The following DHX9 variants were observed in gnomAD, a reference collection of about 807,000 sequenced individuals.
DHX9 encodes the protein ATP-dependent RNA helicase A.
DHX9 carries 27 observed loss-of-function variants against 148.7 expected under a neutral mutation model. The observed-to-expected ratio is 0.18, with a 90% confidence interval of 0.13 to 0.25. DHX9 has a LOEUF of 0.25. DHX9 is among the 10% of genes least tolerant of loss of function. The probability of loss-of-function intolerance (pLI) is 1.00; values close to 1 mark genes in which losing one functional copy is unlikely to be tolerated. For synonymous variants in DHX9, 529 were observed against 516.6 expected, an observed-to-expected ratio of 1.02 and a Z score of -0.33; for missense variants, 796 against 1,559.6, an observed-to-expected ratio of 0.51 and a Z score of 8.25.
In DHX9 at chr1:182,860,227, T is replaced by C. The variant is rs781542152; in HGVS notation, c.1332+43T>C. 3.6e-6 allele frequency: 5 copies of C among 1,397,354 alleles called. No homozygotes were observed. The South Asian group carries it at 7.7e-5, about 21-fold the overall frequency. 86.6% of individuals were successfully genotyped at this position (1,397,354 alleles called of 1,614,324 possible). ...CATGAAATACCTAGAGAGCAGACTA[T>C]TTCTGATTCTTTCTTTGATTAACTA... On this transcript the variant is annotated intron_variant, in intron 12 of 27. Coordinates refer to ENST00000367549, the MANE Select transcript of DHX9 (RefSeq NM_001357.5).
chr1:182,882,863 CAAAAAAAA>C (rs796875709), intron 24 of DHX9, among the ~76,000 whole-genome samples: 3 of 83,830 alleles, frequency 3.6e-5, no homozygotes, highest in Non-Finnish European at 8.3e-5. Flanking sequence ...AGACTCGTCT[CAAAAAAAA>C]AAAAAAAAAG....
chr1:182,881,129 G>A (rs1649067523), intron 22 of DHX9, 135 bp from the exon 23 acceptor site: 1 of 873,958 alleles, frequency 1.1e-6, no homozygotes. Context: ...AAAGTTCTTT[G>A]TTAAGCCAGT....
At position 182,886,286 on chromosome 1, in the gene DHX9, T is replaced by A. The variant is rs187087685; in HGVS notation, c.3462-797T>A. Among the ~76,000 whole-genome samples, 226 of 152,030 alleles carry A rather than the reference T, an allele frequency of 1.5e-3. 2 individuals carry two copies. The highest frequency in any genetic ancestry group is 5.2e-3 in the African/African-American group (217 of 41,496). Reference sequence around the variant, plus strand: ...TCTTGGCTCACTGCAACCTCTGCCTTCTGGGTTCAAGTGATCCTCCTGCCT... The same window carrying A: ...TCTTGGCTCACTGCAACCTCTGCCTACTGGGTTCAAGTGATCCTCCTGCCT... On this transcript the variant is annotated intron_variant, in intron 27 of 27. Transcript: ENST00000367549.
intron 7 of DHX9, among the ~76,000 whole-genome samples, chr1:182,857,752 T>C (rs1254368696): frequency 6.6e-6 from 1 of 152,234 alleles, no homozygotes; most frequent in Non-Finnish European, 1.5e-5. Flanking sequence ...CCAATTACTT[T>C]TACTGGTTTA....
chr1:182,874,878 A>G lies in DHX9; in HGVS notation c.1739A>G (p.Gln580Arg), dbSNP rs531492132. 1 of 1,612,806 alleles carries G rather than the reference A, an allele frequency of 6.2e-7. No individual in the cohort carries two copies. Among genetic ancestry groups the G allele is most frequent in the East Asian group, 2.2e-5 (1 of 44,826 alleles). The change falls in exon 16 of 28, where the codon CAG becomes CGG. Residue 580 changes from glutamine to arginine, a missense_variant. Around this residue, in one of 14 missense-constraint regions of DHX9, gnomAD observed 133 missense variants for 223.8 expected, o/e 0.59. Coordinates refer to ENST00000367549, the MANE Select transcript of DHX9 (RefSeq NM_001357.5). The part of the protein sequence containing the change: ...VQEYFLEDCI[Q>R]MTHFVPPPKD... ...GAATATTTTCTGGAAGACTGCATTC[A>G]GATGACCCACTTTGTTCCTCCACCA...
rs1668211580 is a variant in DHX9 at position 182,854,138 on chromosome 1, G to T, written c.586G>T (p.Gly196Ter). The change falls in exon 6 of 28, where the codon GGA becomes TGA. Residue 196 changes from glycine (G) to a stop codon, truncating the protein, a stop_gained. Coordinates refer to ENST00000367549, the MANE Select transcript of DHX9 (RefSeq NM_001357.5). LOFTEE classifies it high-confidence loss of function. Reference protein sequence around the residue: ...NQYFQKEKIQGEYKYTQVGPD... With the variant: ...NQYFQKEKIQ ...ATATTTTCAGAAAGAAAAGATCCAA[G>T]GAGAATATAAGTACACCCAAGTGGG... 1 of 1,613,460 alleles carries T rather than the reference G, an allele frequency of 6.2e-7. No individual in the cohort carries two copies. The highest frequency in any genetic ancestry group is 1.3e-5 in the African/African-American group (1 of 74,882).
At chr1:182,842,473 AATCTAGAT>A in intron 1 of DHX9, 64 bp from the exon 2 acceptor site, 1 of 756,432 alleles carries the variant, frequency 1.3e-6, no homozygotes, top group Non-Finnish European at 2.2e-6. Flanking sequence ...CAGATTCAGT[AATCTAGAT>A]AATTGGTTCC....
At chr1:182,875,006 G>GA (rs759611055) in intron 16 of DHX9, 52 bp downstream of exon 16, 4 of 1,409,116 alleles carry the variant, frequency 2.8e-6, no homozygotes, top group Admixed American at 1.7e-5. Flanking sequence ...TCAATGCAGA[G>GA]AAAAAAATGA....
chr1:182,885,007 TTAG>T (rs780735949), intron 27 of DHX9, among the ~76,000 whole-genome samples, 194 bp downstream of exon 27: 3 of 152,210 alleles, frequency 2.0e-5, no homozygotes, highest in African/African-American at 4.8e-5. Flanking sequence ...TACTTTTTTG[TTAG>T]TAGTTGGTCT....
chr1:182,852,309 G>A lies in DHX9; in HGVS notation c.329G>A (p.Gly110Glu). The change falls in exon 4 of 28, where the codon GGA (glycine) becomes GAA (glutamate). Residue 110 changes from glycine to glutamate, a missense_variant. This residue lies in a region of DHX9 where 89 missense variants were observed against 77.5 expected (regional missense o/e 1.15). Coordinates refer to ENST00000367549, the MANE Select transcript of DHX9 (RefSeq NM_001357.5). ...NAEGDLPTTM[G>E]GPLPPHLALK... Reference sequence around the variant, plus strand: ...GAAGGAGATTTACCAACAACCATGGGAGGACCTCTTCCTCCACATCTGGCT... The same window carrying A: ...GAAGGAGATTTACCAACAACCATGGAAGGACCTCTTCCTCCACATCTGGCT... 6.2e-7 allele frequency: 1 copy of A among 1,612,942 alleles called. No homozygotes were observed. The highest frequency in any genetic ancestry group is 1.3e-5 in the African/African-American group (1 of 74,996).
At chr1:182,840,905 G>A (rs1047379705) in intron 1 of DHX9, among the ~76,000 whole-genome samples, 2 of 152,126 alleles carry the variant, frequency 1.3e-5, no homozygotes, top group African/African-American at 4.8e-5. Context: ...AGATTTGAGG[G>A]GAAATTTAAA....
chr1:182,841,893 T>C (rs1667938694), intron 1 of DHX9, among the ~76,000 whole-genome samples: 1 of 152,200 alleles, frequency 6.6e-6, no homozygotes, highest in African/African-American at 2.4e-5. Flanking sequence ...GTATAGAACA[T>C]TTAAGTTAAT....
rs756087997 is a variant in DHX9 at position 182,881,671 on chromosome 1, A to AT, written c.2914+25dup. 1.1e-5 allele frequency: 18 copies of AT among 1,570,078 alleles called. 1 individual carries two copies. In the South Asian group the frequency reaches 2.1e-4, roughly 18 times the overall value. On this transcript the variant is annotated intron_variant, in intron 24 of 27. Coordinates refer to ENST00000367549, the MANE Select transcript of DHX9 (RefSeq NM_001357.5). ...AGGTAAGACTTCTTCCATTCTTAAG[A>AT]TATCTTTAAAGTGACATTTATATAG...
chr1:182,886,598 T>C (rs1163867473), intron 27 of DHX9, among the ~76,000 whole-genome samples: 1 of 152,216 alleles, frequency 6.6e-6, no homozygotes, highest in Non-Finnish European at 1.5e-5. Flanking sequence ...TAATTGAAGT[T>C]GTTGACAGTC....
Position 182,872,394 on chromosome 1 carries a change from A to G in DHX9, c.1615A>G (p.Ile539Val). The stretch of plus-strand genomic sequence containing the variant: ...TGTTCAGGCTTATCCTGAAGTTCGC[A>G]TTGTTCTTATGTCTGCTACTATTGA... ...DVVQAYPEVR[I>V]VLMSATIDTS... is the part of the protein sequence containing the mutation. The change falls in exon 15 of 28, where the codon ATT (isoleucine) becomes GTT (valine). Residue 539 changes from isoleucine to valine, a missense_variant. Transcript: ENST00000367549. 1 of 1,613,964 alleles carries G rather than the reference A, an allele frequency of 6.2e-7. No homozygotes were observed. Among genetic ancestry groups the G allele is most frequent in the Non-Finnish European group, 8.5e-7 (1 of 1,179,958 alleles).
At position 182,843,290 on chromosome 1, in the gene DHX9, A is replaced by G. The variant is rs928033076; in HGVS notation, c.112-4A>G. 3 of 1,399,708 alleles carry G rather than the reference A, an allele frequency of 2.1e-6. No individual in the cohort carries two copies. Among genetic ancestry groups the G allele is most frequent in the South Asian group, 1.5e-5 (1 of 65,422 alleles). 86.7% of individuals were successfully genotyped at this position (1,399,708 alleles called of 1,614,324 possible). A position where few individuals can be genotyped will look rare whatever the true frequency, so the allele number is the denominator to read the frequency against. ...TCTCTTAGTACTTTTTTTTTTTTTT[A>G]AAGGTTCAGGTGGAAGGTTATAATT... On this transcript the variant is annotated splice_region_variant and splice_polypyrimidine_tract_variant and intron_variant, in intron 2 of 27. Coordinates refer to ENST00000367549, the MANE Select transcript of DHX9 (RefSeq NM_001357.5).
chr1:182,884,793 C>T lies in DHX9; in HGVS notation c.3441C>T (p.Asn1147=), dbSNP rs776675320. 1.9e-6 allele frequency: 3 copies of T among 1,613,982 alleles called. No individual in the cohort carries two copies. The highest frequency in any genetic ancestry group is 2.7e-5 in the African/African-American group (2 of 74,876). The change falls in exon 27 of 28, where the codon AAC becomes AAT. Residue 1147 remains asparagine, a synonymous_variant. Transcript: ENST00000367549. ...CTAGACCCTCAGCTGCTGGTATCAACCTTATGATTGGCAGTACACGGTGAG... is the reference window on the plus strand; with the variant it reads ...CTAGACCCTCAGCTGCTGGTATCAATCTTATGATTGGCAGTACACGGTGAG... ...QISRPSAAGI[N]LMIGSTRYGD...
intron 16 of DHX9, among the ~76,000 whole-genome samples, chr1:182,875,371 A>G (rs145635517): frequency 6.6e-6 from 1 of 152,326 alleles, no homozygotes; most frequent in Non-Finnish European, 1.5e-5. Flanking sequence ...TCCTCAGGTG[A>G]TCTGTATATA....
intron 14 of DHX9, 33 bp downstream of exon 14, chr1:182,867,076 A>G (rs1377585769): frequency 7.6e-7 from 1 of 1,323,730 alleles, no homozygotes; most frequent in Non-Finnish European, 1.0e-6. Context: ...TAAGGTACTT[A>G]ATTCTGCTAT....
Sources: gnomAD v4.1 joint callset for allele counts (sites outside exome capture counted in the v4.1 genomes callset) on GRCh38, gnomAD v4.1.1 for gene constraint, gnomAD v4.1.1 regional missense constraint, MANE v1.5 for transcripts, NCBI Gene and HGNC (gene_info 2026-07-23, HGNC 2026-07-21) for gene names.